OPRM1: variants seen among roughly 807,000 people sequenced by gnomAD.
The protein encoded by OPRM1 is mu-type opioid receptor.
In OPRM1, 27 loss-of-function variants were observed where a neutral mutation model predicts 31.8. The ratio of observed to expected loss-of-function variants is 0.85; its 90% CI spans 0.63 to 1.17. The LOEUF (loss-of-function observed/expected upper bound fraction) is 1.17. Among genes scored for constraint, OPRM1 ranks in the 50% most tolerant of loss-of-function variants. The probability of loss-of-function intolerance (pLI) is 0.00; values close to 1 mark genes in which losing one functional copy is unlikely to be tolerated. For missense variants in OPRM1, 536 were observed against 511.1 expected, an observed-to-expected ratio of 1.05 and a Z score of -0.47; for synonymous variants, 196 against 189.9, an observed-to-expected ratio of 1.03 and a Z score of -0.26.
upstream of OPRM1, among the ~76,000 whole-genome samples, chr6:154,035,168 A>C (rs1779229654): frequency 6.6e-6 from 1 of 152,206 alleles, no homozygotes. Context: ...TTAGTAAGTC[A>C]CAAGGAAGTA....
intron 3 of OPRM1, among the ~76,000 whole-genome samples, chr6:154,146,839 G>A (rs1798371111): frequency 6.6e-6 from 1 of 152,156 alleles, no homozygotes; most frequent in Non-Finnish European, 1.5e-5. Flanking sequence ...CCAGAGATGG[G>A]GATTTTTGTT....
intron 3 of OPRM1, chr6:154,108,067 G>A: frequency 1.5e-6 from 1 of 654,864 alleles, no homozygotes; most frequent in Non-Finnish European, 2.8e-6. Context: ...CCTTTTGCCA[G>A]CATGCCAGGC....
In OPRM1 at chr6:154,152,323, GAAA is replaced by G. The variant is rs1406478146; in HGVS notation, c.1164+60852_1164+60854del. Among the ~76,000 whole-genome samples the G allele has an allele frequency of 8.2e-3, 259 of 31,614 alleles. 3 individuals are homozygous for G. The highest frequency in any genetic ancestry group is 0.051 in the East Asian group (29 of 572). The allele number at this position is 31,614 out of a possible 152,430, so 20.7% of individuals were successfully genotyped here. ...AGAAAGAAAGAAAGAAAGAAAGAAA[GAAA>G]GAAAGAAAGAAAGAAAGAAAGGAAA... On this transcript the variant is annotated intron_variant, in intron 3 of 3. Coordinates refer to the OPRM1 transcript ENST00000337049.
At position 154,128,898 on chromosome 6, in the gene OPRM1, G is replaced by T. The variant is rs1005651875; in HGVS notation, c.*10177G>T. On this transcript the variant is annotated 3_prime_UTR_variant, in exon 4 of 4. Coordinates refer to ENST00000330432, the MANE Select transcript of OPRM1 (RefSeq NM_000914.5). ...TCTTTGTAAAAAACAGGAAATTAAT[G>T]TTAAATTGGATCTATAAACATAAGT... Among the ~76,000 whole-genome samples, 3 of 152,168 alleles carry T rather than the reference G, an allele frequency of 2.0e-5. No individual in the cohort carries two copies. Among genetic ancestry groups the T allele is most frequent in the African/African-American group, 7.2e-5 (3 of 41,442 alleles).
rs994701878 is a variant in OPRM1, at chr6:154,083,528, C to A, written c.291-6298C>A. ...TCTGAGAAAGCAACTTCCCCTTGCT[C>A]TGTCTGAAAGATACTCATGGTTTGT... On this transcript the variant is annotated intron_variant, in intron 1 of 3. Coordinates refer to ENST00000330432, the MANE Select transcript of OPRM1 (RefSeq NM_000914.5). The A allele has an allele frequency of 2.7e-5, 4 of 148,262 alleles. No homozygotes were observed. In the East Asian group the frequency reaches 7.7e-4, roughly 29 times the overall value. The allele number at this position is 148,262 out of a possible 1,614,324, so 9.2% of individuals were successfully genotyped here. A position where few individuals can be genotyped will look rare whatever the true frequency, so the allele number is the denominator to read the frequency against.
At chr6:154,096,155 C>T (rs1302172792) in intron 3 of OPRM1, among the ~76,000 whole-genome samples, 1 of 152,194 alleles carries the variant, frequency 6.6e-6, no homozygotes, top group Non-Finnish European at 1.5e-5. Flanking sequence ...CCTCCTGGTT[C>T]AAACGATTCT....
In OPRM1 at chr6:154,039,515, C is replaced by T; in HGVS notation, c.-30C>T. The stretch of plus-strand genomic sequence containing the variant: ...AGTCTCGGTGCTCCTGGCTACCTCG[C>T]ACAGCGGTGCCCGCCCGGCCGTCAG... On this transcript the variant is annotated 5_prime_UTR_variant, in exon 1 of 4. Transcript: ENST00000330432. 6.3e-7 allele frequency: 1 copy of T among 1,591,342 alleles called. No individual in the cohort carries two copies. The highest frequency in any genetic ancestry group is 8.6e-7 in the Non-Finnish European group (1 of 1,169,056).
intron 3 of OPRM1, among the ~76,000 whole-genome samples, chr6:154,222,327 A>G (rs946650140): frequency 2.0e-5 from 3 of 152,224 alleles, no homozygotes; most frequent in Non-Finnish European, 2.9e-5. Context: ...GTGCAACCAC[A>G]CCACAGAGGC....
In OPRM1 at chr6:154,159,725, G is replaced by A. The variant is rs577921212; in HGVS notation, c.1164+68253G>A. 3.6e-6 allele frequency: 3 copies of A among 828,598 alleles called. No homozygotes were observed. The Admixed American group carries it at 8.1e-5, about 22-fold the overall frequency. The allele number at this position is 828,598 out of a possible 1,614,324, so 51.3% of individuals were successfully genotyped here. ...TTTAGATGGGAAGCTGATGCTTGAAGGACTGGGTTTCAGTTTTCCTTTTAA... is the reference window on the plus strand; with the variant it reads ...TTTAGATGGGAAGCTGATGCTTGAAAGACTGGGTTTCAGTTTTCCTTTTAA... On this transcript the variant is annotated intron_variant, in intron 3 of 3. Transcript: ENST00000337049.
chr6:154,158,938 A>C (rs1232437788), intron 3 of OPRM1: 1 of 152,228 alleles, frequency 6.6e-6, no homozygotes, highest in Non-Finnish European at 1.5e-5. Context: ...AAAGATATTA[A>C]AACAATTCAG....
chr6:154,244,729 T>TC (rs1364668581), intron 3 of OPRM1, among the ~76,000 whole-genome samples: 2 of 152,192 alleles, frequency 1.3e-5, no homozygotes, highest in East Asian at 3.8e-4. Flanking sequence ...CCTGTGTGGT[T>TC]CAGAAGGACT....
At chr6:154,019,182 C>CT (rs34786795) in intron 1 of OPRM1, among the ~76,000 whole-genome samples, 40,185 of 126,778 alleles carry the variant, frequency 0.32, 6,229 homozygotes, top group South Asian at 0.45. Context: ...CCCTGTTGTG[C>CT]TTTTTTTTTT....
intron 3 of OPRM1, among the ~76,000 whole-genome samples, chr6:154,209,339 A>G (rs781053731): frequency 3.9e-5 from 6 of 152,310 alleles, no homozygotes; most frequent in African/African-American, 7.2e-5. Context: ...GCCAAACACT[A>G]GCTCAATTCA....
chr6:154,223,311 T>C (rs1295957860), intron 3 of OPRM1: 1 of 1,187,018 alleles, frequency 8.4e-7, no homozygotes, highest in African/African-American at 1.5e-5. Context: ...ATTGAGATCA[T>C]ATACATGGAA....
intron 1 of OPRM1, among the ~76,000 whole-genome samples, chr6:154,033,094 T>G (rs1779101552): frequency 6.6e-6 from 1 of 152,124 alleles, no homozygotes; most frequent in Admixed American, 6.5e-5. Flanking sequence ...ACATTTAAAA[T>G]GCAAGCAAAG....
intron 3 of OPRM1, among the ~76,000 whole-genome samples, chr6:154,164,716 G>T (rs1257058494): frequency 6.6e-6 from 1 of 152,168 alleles, no homozygotes; most frequent in South Asian, 2.1e-4. Context: ...GGAAGAAAGG[G>T]TTCACCGCTC....
chr6:154,091,620 G>T (rs1253892670), intron 3 of OPRM1, 148 bp downstream of exon 3: 3 of 1,428,440 alleles, frequency 2.1e-6, no homozygotes, highest in East Asian at 2.5e-5. Context: ...TAGAGAAGAG[G>T]TTTGTTATAT....
chr6:154,029,035 A>G (rs1778861758), intron 1 of OPRM1, among the ~76,000 whole-genome samples: 1 of 152,154 alleles, frequency 6.6e-6, no homozygotes, highest in Non-Finnish European at 1.5e-5. Flanking sequence ...TTATTCTGCC[A>G]TCTTGCTTCA....
intron 1 of OPRM1, among the ~76,000 whole-genome samples, chr6:154,071,672 G>A (rs986816079): frequency 3.3e-5 from 5 of 152,246 alleles, no homozygotes; most frequent in African/African-American, 1.2e-4. Flanking sequence ...TATCTAGACA[G>A]TGTGCTGTCC....
Sources: allele counts gnomAD v4.1 joint callset (sites outside exome capture counted in the v4.1 genomes callset), GRCh38; gene constraint gnomAD v4.1.1; transcripts MANE v1.5; gene names NCBI Gene and HGNC (gene_info 2026-07-23, HGNC 2026-07-21).